RPTOR: variants seen among roughly 807,000 people sequenced by gnomAD.
The protein encoded by RPTOR is regulatory-associated protein of mTOR.
In RPTOR, 21 loss-of-function variants were observed where a neutral mutation model predicts 169.9. The observed-to-expected ratio is 0.12, with a 90% confidence interval of 0.09 to 0.18. The LOEUF (loss-of-function observed/expected upper bound fraction) is 0.18. RPTOR is among the 10% of genes least tolerant of loss of function. The probability of loss-of-function intolerance (pLI) is 1.00; values close to 1 mark genes in which losing one functional copy is unlikely to be tolerated. For synonymous variants in RPTOR, 732 were observed against 753.2 expected (o/e 0.97, Z 0.46); for missense variants, 1,133 against 1,855.9 (o/e 0.61, Z 7.16).
At chr17:80,676,105 T>C (rs1598212674) in intron 3 of RPTOR, among the ~76,000 whole-genome samples, 1 of 149,862 alleles carries the variant, frequency 6.7e-6, no homozygotes, top group South Asian at 2.1e-4. Flanking sequence ...GATAGTTTTG[T>C]TTACTAAGAA....
At chr17:80,674,680 T>A (rs1245247709) in intron 3 of RPTOR, among the ~76,000 whole-genome samples, 1 of 150,734 alleles carries the variant, frequency 6.6e-6, no homozygotes, top group Non-Finnish European at 1.5e-5. Flanking sequence ...CCCAGCTACC[T>A]GGGAGGCTGA....
At chr17:80,913,006 CTGTG>C (rs998921289) in intron 21 of RPTOR, among the ~76,000 whole-genome samples, 2 of 152,148 alleles carry the variant, frequency 1.3e-5, no homozygotes, top group African/African-American at 2.4e-5. Flanking sequence ...GTGTGTGTGT[CTGTG>C]TGCGTGTGTG....
chr17:80,871,196 C>T (rs920837381), intron 13 of RPTOR, among the ~76,000 whole-genome samples: 1 of 152,188 alleles, frequency 6.6e-6, no homozygotes, highest in Non-Finnish European at 1.5e-5. Flanking sequence ...ACCTCTGCCT[C>T]CTGTGTTCAC....
At chr17:80,731,824 A>G (rs2066395846) in intron 5 of RPTOR, among the ~76,000 whole-genome samples, 1 of 152,242 alleles carries the variant, frequency 6.6e-6, no homozygotes, top group African/African-American at 2.4e-5. Context: ...TGAAACAATC[A>G]GTAACAAAAT....
chr17:80,684,616 T>G (rs2065923094), intron 3 of RPTOR, among the ~76,000 whole-genome samples: 1 of 151,934 alleles, frequency 6.6e-6, no homozygotes, highest in Non-Finnish European at 1.5e-5. Context: ...GGCTAATTTT[T>G]TGTATTTTTT....
intron 1 of RPTOR, among the ~76,000 whole-genome samples, chr17:80,595,518 T>TA (rs1334131518): frequency 6.6e-6 from 1 of 152,172 alleles, no homozygotes; most frequent in African/African-American, 2.4e-5. Context: ...TGCGGTGGCA[T>TA]GATCATGGCT....
At chr17:80,834,183 G>T (rs2067538089) in intron 9 of RPTOR, among the ~76,000 whole-genome samples, 1 of 152,214 alleles carries the variant, frequency 6.6e-6, no homozygotes, top group African/African-American at 2.4e-5. Flanking sequence ...TCTGAGTGGG[G>T]CTGTCCTTCG....
intron 20 of RPTOR, among the ~76,000 whole-genome samples, chr17:80,902,773 C>T (rs1021917269): frequency 6.6e-6 from 1 of 152,274 alleles, no homozygotes; most frequent in African/African-American, 2.4e-5. Context: ...CACTCCCACG[C>T]TCATCCGTCC....
At chr17:80,677,851 GTGT>G (rs750206975) in intron 3 of RPTOR, among the ~76,000 whole-genome samples, 1 of 152,202 alleles carries the variant, frequency 6.6e-6, no homozygotes, top group Non-Finnish European at 1.5e-5. Flanking sequence ...ACTGTATGGT[GTGT>G]TGTTGCGATG....
intron 1 of RPTOR, among the ~76,000 whole-genome samples, chr17:80,561,901 T>A (rs2084502264): frequency 6.6e-6 from 1 of 152,182 alleles, no homozygotes; most frequent in Admixed American, 6.5e-5. Flanking sequence ...TGAGTCTGTG[T>A]GTATGTGTGA....
chr17:80,814,290 A>G (rs1196341099), intron 7 of RPTOR, among the ~76,000 whole-genome samples: 1 of 152,164 alleles, frequency 6.6e-6, no homozygotes, highest in African/African-American at 2.4e-5. Flanking sequence ...TATTAAGCAC[A>G]TAAGCAAAAA....
chr17:80,706,719 G>T (rs541329714), intron 3 of RPTOR, among the ~76,000 whole-genome samples: 2 of 152,276 alleles, frequency 1.3e-5, no homozygotes, highest in East Asian at 1.9e-4. Flanking sequence ...CTGGCCCTTC[G>T]TCCCTGTTTG....
chr17:80,767,105 G>A (rs144748188), intron 6 of RPTOR, among the ~76,000 whole-genome samples: 1 of 152,226 alleles, frequency 6.6e-6, no homozygotes, highest in Non-Finnish European at 1.5e-5. Flanking sequence ...AGGTGCGGGG[G>A]CTCATGCCTA....
At chr17:80,559,955 G>A (rs556716290) in intron 1 of RPTOR, among the ~76,000 whole-genome samples, 1 of 152,318 alleles carries the variant, frequency 6.6e-6, no homozygotes, top group East Asian at 1.9e-4. Flanking sequence ...AGAAATGTCA[G>A]CATTAGTCAG....
intron 7 of RPTOR, among the ~76,000 whole-genome samples, chr17:80,810,598 A>G (rs1243370375): frequency 4.6e-5 from 7 of 152,084 alleles, no homozygotes; most frequent in South Asian, 2.1e-4. Context: ...TGTTTTGTCA[A>G]AATGGTTTTG....
chr17:80,825,393 C>T lies in RPTOR; in HGVS notation c.1136+2170C>T, dbSNP rs1406028075. 3.3e-5 allele frequency among the ~76,000 whole-genome samples: 5 copies of T among 152,286 alleles called. No individual in the cohort carries two copies. The East Asian group carries it at 7.7e-4, about 23-fold the overall frequency. ...CACAGGGCAGCCACATCCCACATCT[C>T]TGTCTAGAGACTGCTTTCTAGGACT... On this transcript the variant is annotated intron_variant, in intron 9 of 33. Coordinates refer to ENST00000306801, the MANE Select transcript of RPTOR (RefSeq NM_020761.3).
chr17:80,952,159 C>T (rs573162938), intron 28 of RPTOR, among the ~76,000 whole-genome samples: 8 of 152,210 alleles, frequency 5.3e-5, no homozygotes, highest in African/African-American at 1.9e-4. Flanking sequence ...ATGCTGACCA[C>T]AGCACAGCCA....
At chr17:80,753,901 C>T in intron 5 of RPTOR, 109 bp from the exon 6 acceptor site, 1 of 1,040,036 alleles carries the variant, frequency 9.6e-7, no homozygotes, top group South Asian at 1.5e-5. Flanking sequence ...TGAAAACTCA[C>T]AGCCTGAGTT....
Position 80,965,013 on chromosome 17 carries a change from G to T in RPTOR, c.*683G>T, listed in dbSNP as rs1262548542. Reference sequence around the variant, plus strand: ...ACAGCCCACCCTCCCCGCACCTCCAGGTCTCTGGACTCCAGTTTTGGCCCC... The same window carrying T: ...ACAGCCCACCCTCCCCGCACCTCCATGTCTCTGGACTCCAGTTTTGGCCCC... On this transcript the variant is annotated 3_prime_UTR_variant, in exon 34 of 34. Transcript: ENST00000306801. 4.3e-6 allele frequency: 1 copy of T among 233,344 alleles called. No homozygotes were observed. 14.5% of individuals were successfully genotyped at this position (233,344 alleles called of 1,614,324 possible). A position where few individuals can be genotyped will look rare whatever the true frequency, so the allele number is the denominator to read the frequency against.
Sources: gnomAD v4.1 joint callset for allele counts (sites outside exome capture counted in the v4.1 genomes callset) on GRCh38, gnomAD v4.1.1 for gene constraint, MANE v1.5 for transcripts, NCBI Gene and HGNC (gene_info 2026-07-23, HGNC 2026-07-21) for gene names.